The following INTS8 variants were observed in gnomAD, a reference collection of about 807,000 sequenced individuals.
INTS8 encodes the protein integrator complex subunit 8.
Under a neutral mutation model 138.9 loss-of-function variants are expected in INTS8, and 47 were observed. The observed-to-expected ratio is 0.34, with a 90% CI of 0.27 to 0.43. The LOEUF (loss-of-function observed/expected upper bound fraction) is 0.43. INTS8 is among the 20% of genes least tolerant of loss of function. The pLI, the probability that INTS8 is intolerant of heterozygous loss-of-function variation, is 1.00. For missense variants in INTS8, 996 were observed against 1,173.0 expected, an observed-to-expected ratio of 0.85 and a Z score of 2.20; for synonymous variants, 392 against 400.9, an observed-to-expected ratio of 0.98 and a Z score of 0.27.
intron 10 of INTS8, among the ~76,000 whole-genome samples, chr8:94,847,885 A>G (rs1303410286): frequency 2.0e-5 from 3 of 152,188 alleles, no homozygotes; most frequent in Non-Finnish European, 4.4e-5. Context: ...TACATATGGC[A>G]GCAAAGAAAC....
At chr8:94,857,057 T>C in intron 15 of INTS8, 79 bp downstream of exon 15, 1 of 1,089,534 alleles carries the variant, frequency 9.2e-7, no homozygotes, top group Admixed American at 2.6e-5. Context: ...AGCAGATTTA[T>C]TTGAGTTTGT....
Position 94,853,897 on chromosome 8 carries a change from G to T in INTS8, c.1734G>T (p.Leu578Phe). 6.3e-7 allele frequency: 1 copy of T among 1,590,748 alleles called. No homozygotes were observed. Among genetic ancestry groups the T allele is most frequent in the Non-Finnish European group, 8.6e-7 (1 of 1,158,816 alleles). Residue 578 changes from leucine to phenylalanine, a missense_variant, in exon 14 of 27, where the codon TTG becomes TTT. Leu to Phe is a conservative substitution (Grantham distance 22). Transcript: ENST00000523731. ...TTTATATTCTTATGGCCAAAGGTTTGCACTGCAGTACTGTTAAGGTGAGTA... is the reference window on the plus strand; with the variant it reads ...TTTATATTCTTATGGCCAAAGGTTTTCACTGCAGTACTGTTAAGGTGAGTA... ...DLVYILMAKG[L>F]HCSTVKDFSH... is the part of the protein sequence containing the mutation.
chr8:94,856,779 C>G lies in INTS8; in HGVS notation c.1755C>G (p.Asp585Glu). Residue 585 changes from aspartate to glutamate, a missense_variant and splice_region_variant, in exon 15 of 27, where the codon GAC becomes GAG. Physicochemically the swap from Asp to Glu is conservative, Grantham distance 45. Transcript: ENST00000523731. ...AKGLHCSTVK[D>E]FSHAKQLFAA... Reference sequence around the variant, plus strand: ...GGCTATTCTTTTTCTTTTCATAGGACTTTTCCCATGCTAAACAGCTCTTTG... The same window carrying G: ...GGCTATTCTTTTTCTTTTCATAGGAGTTTTCCCATGCTAAACAGCTCTTTG... 1 of 1,613,972 alleles carries G rather than the reference C, an allele frequency of 6.2e-7. No homozygotes were observed. Among genetic ancestry groups the G allele is most frequent in the Non-Finnish European group, 8.5e-7 (1 of 1,179,896 alleles).
At chr8:94,849,380 G>A (rs975189061) in intron 10 of INTS8, 82 bp from the exon 11 acceptor site, 20 of 795,502 alleles carry the variant, frequency 2.5e-5, no homozygotes, top group Non-Finnish European at 4.2e-5. Flanking sequence ...AAATTCAGTT[G>A]TTTTTAAATC....
chr8:94,869,562 A>G (rs928638510), intron 20 of INTS8, among the ~76,000 whole-genome samples: 2 of 151,270 alleles, frequency 1.3e-5, no homozygotes, highest in African/African-American at 2.4e-5. Context: ...GCATGATCTC[A>G]GCTCACTGCA....
chr8:94,823,999 A>G (rs928269056), intron 1 of INTS8, among the ~76,000 whole-genome samples: 14 of 121,506 alleles, frequency 1.2e-4, no homozygotes, highest in African/African-American at 3.8e-4. Context: ...TTTTATTTAA[A>G]CATTTTTTTC....
chr8:94,881,205 G>A lies in INTS8; in HGVS notation c.*971G>A, dbSNP rs1241018214. 1.1e-5 allele frequency: 4 copies of A among 373,252 alleles called. No individual in the cohort carries two copies. The highest frequency in any genetic ancestry group is 1.9e-5 in the Non-Finnish European group (4 of 210,928). The allele number at this position is 373,252 out of a possible 1,614,324, so 23.1% of individuals were successfully genotyped here. On this transcript the variant is annotated 3_prime_UTR_variant, in exon 27 of 27. Transcript: ENST00000523731. ...CCAAATTGCACTAGTCAAGAGTGTAGGAATTTTGAGAATCTAACAACTAGA... is the reference window on the plus strand; with the variant it reads ...CCAAATTGCACTAGTCAAGAGTGTAAGAATTTTGAGAATCTAACAACTAGA...
At chr8:94,842,757 A>G (rs140409212) in intron 10 of INTS8, among the ~76,000 whole-genome samples, 18 of 152,230 alleles carry the variant, frequency 1.2e-4, no homozygotes, top group Admixed American at 5.2e-4. Context: ...ATTTCTGTTC[A>G]TAGAACTTTT....
Position 94,849,485 on chromosome 8 carries a change from A to G in INTS8, c.1284A>G (p.Leu428=). 6.4e-7 allele frequency: 1 copy of G among 1,561,248 alleles called. No homozygotes were observed. Among genetic ancestry groups the G allele is most frequent in the Non-Finnish European group, 8.7e-7 (1 of 1,143,406 alleles). ...AGGTATGTTCAAGATCAGTAAATTT[A>G]GAAAAAGCTTCAGAGTCTTTGAAAG... ...LLEVCSRSVN[L]EKASESLKGN... is the part of the protein sequence containing the mutation. Residue 428 remains leucine, a synonymous_variant, in exon 11 of 27, where the codon TTA becomes TTG. Coordinates refer to ENST00000523731, the MANE Select transcript of INTS8 (RefSeq NM_017864.4).
intron 10 of INTS8, among the ~76,000 whole-genome samples, chr8:94,844,032 T>TA (rs1224401503): frequency 4.6e-5 from 7 of 150,754 alleles, no homozygotes; most frequent in African/African-American, 2.4e-5. Context: ...TCTGCTTTTT[T>TA]TTTTTTATTT....
At chr8:94,847,550 GATCATAGAA>G (rs1393582830) in intron 10 of INTS8, among the ~76,000 whole-genome samples, 1 of 152,132 alleles carries the variant, frequency 6.6e-6, no homozygotes, top group African/African-American at 2.4e-5. Flanking sequence ...TTTGATCAGT[GATCATAGAA>G]CTATATTCTC....
intron 10 of INTS8, among the ~76,000 whole-genome samples, chr8:94,842,838 A>C (rs569629382): frequency 6.6e-6 from 1 of 152,342 alleles, no homozygotes; most frequent in East Asian, 1.9e-4. Flanking sequence ...CCTGTTTACT[A>C]AGAACTCCCA....
chr8:94,854,064 C>T lies in INTS8; in HGVS notation c.1752+149C>T, dbSNP rs1417536729. The T allele has an allele frequency of 2.0e-5, 10 of 502,476 alleles. No individual in the cohort carries two copies. The South Asian group carries it at 2.8e-4, about 14-fold the overall frequency. 31.1% of individuals were successfully genotyped at this position (502,476 alleles called of 1,614,324 possible). A position where few individuals can be genotyped will look rare whatever the true frequency, so the allele number is the denominator to read the frequency against. Reference sequence around the variant, plus strand: ...AGCCTGGCCAACATGGTGAAACCTTCTCTCTACTAAAAATACAAAAATTAG... The same window carrying T: ...AGCCTGGCCAACATGGTGAAACCTTTTCTCTACTAAAAATACAAAAATTAG... On this transcript the variant is annotated intron_variant, in intron 14 of 26. Transcript: ENST00000523731.
chr8:94,880,085 A>G (rs1165945670), intron 26 of INTS8, 33 bp from the exon 27 acceptor site: 1 of 1,446,576 alleles, frequency 6.9e-7, no homozygotes, highest in Non-Finnish European at 9.5e-7. Flanking sequence ...TTTTTGACAC[A>G]CCTCTAATAA....
In INTS8 at chr8:94,880,642, T is replaced by C. The variant is rs951544900; in HGVS notation, c.*408T>C. The C allele has an allele frequency of 1.2e-4, 46 of 383,706 alleles. No homozygotes were observed. The highest frequency in any genetic ancestry group is 2.0e-4 in the Non-Finnish European group (43 of 217,944). The allele number at this position is 383,706 out of a possible 1,614,324, so 23.8% of individuals were successfully genotyped here. The stretch of plus-strand genomic sequence containing the variant: ...TTAATACTCTTCTTCCTTAAGAAAA[T>C]AGAAGTTTAGGTCAAGTGTTAAGCT... On this transcript the variant is annotated 3_prime_UTR_variant, in exon 27 of 27. Transcript: ENST00000523731.
chr8:94,877,395 A>T (rs1332327534), intron 26 of INTS8, among the ~76,000 whole-genome samples: 1 of 152,042 alleles, frequency 6.6e-6, no homozygotes, highest in Non-Finnish European at 1.5e-5. Flanking sequence ...AGCACTTAAA[A>T]ACAAAAAGGA....
rs1012567431 is a variant in INTS8 at position 94,880,539 on chromosome 8, T to C, written c.*305T>C. 3 of 306,182 alleles carry C rather than the reference T, an allele frequency of 9.8e-6. No homozygotes were observed. The highest frequency in any genetic ancestry group is 1.8e-5 in the Non-Finnish European group (3 of 170,496). 19.0% of individuals were successfully genotyped at this position (306,182 alleles called of 1,614,324 possible). On this transcript the variant is annotated 3_prime_UTR_variant, in exon 27 of 27. Coordinates refer to ENST00000523731, the MANE Select transcript of INTS8 (RefSeq NM_017864.4). ...TTTTTAGAAAAGCTAATTTAAAATA[T>C]TTAGAAATAGCTAGCCTATGTACAG... is the stretch of plus-strand genomic sequence containing the variant.
chr8:94,881,734 ATTTAC>A lies in INTS8; in HGVS notation c.*1503_*1507del. 4 of 1,613,790 alleles carry A rather than the reference ATTTAC, an allele frequency of 2.5e-6. No homozygotes were observed. The highest frequency in any genetic ancestry group is 3.4e-6 in the Non-Finnish European group (4 of 1,179,830). On this transcript the variant is annotated 3_prime_UTR_variant, in exon 27 of 27. Coordinates refer to ENST00000523731, the MANE Select transcript of INTS8 (RefSeq NM_017864.4). ...CCCCTTTTCTGAAGGTGTTTATGTA[ATTTAC>A]TTCCTCCTATACATGGGAAGAAATC... is the stretch of plus-strand genomic sequence containing the variant.
intron 5 of INTS8, among the ~76,000 whole-genome samples, chr8:94,831,731 C>T (rs575845358): frequency 1.5e-3 from 226 of 151,268 alleles, no homozygotes; most frequent in African/African-American, 5.0e-3. Context: ...CTGCCCGCCT[C>T]GGCCTCCCAA....
Sources: allele counts gnomAD v4.1 joint callset (sites outside exome capture counted in the v4.1 genomes callset), GRCh38; gene constraint gnomAD v4.1.1; transcripts MANE v1.5; gene names NCBI Gene and HGNC (gene_info 2026-07-23, HGNC 2026-07-21).